RORC: variants seen among roughly 807,000 people sequenced by gnomAD.
RORC encodes nuclear receptor ROR-gamma.
Under a neutral mutation model 64.5 loss-of-function variants are expected in RORC, and 13 were observed. The ratio of observed to expected loss-of-function variants is 0.20; its 90% CI spans 0.13 to 0.32. The LOEUF (loss-of-function observed/expected upper bound fraction) is 0.32, where lower values mean the gene tolerates loss of function less well. Among genes scored for constraint, RORC ranks in the 10% least tolerant of loss-of-function variants. The pLI is 1.00. For missense variants in RORC, 468 were observed against 669.5 expected (o/e 0.70, Z 3.32); for synonymous variants, 277 against 259.3 (o/e 1.07, Z -0.65).
chr1:151,817,952 G>C (rs962955952), intron 2 of RORC, among the ~76,000 whole-genome samples: 1 of 152,206 alleles, frequency 6.6e-6, no homozygotes, highest in Non-Finnish European at 1.5e-5. Context: ...GCAGAGAGAG[G>C]GTGGCTTTGT....
Position 151,815,325 on chromosome 1 carries a change from C to T in RORC, c.399G>A (p.Val133=), listed in dbSNP as rs1367070891. ...QQRQQQQQEP[V]VKTPPAGAQG... is the part of the protein sequence containing the mutation. ...GGGCCCCTGCTGGAGGGGTCTTGAC[C>T]ACTGGTTCCTGTTGCTGCTGTTGCC... is the stretch of plus-strand genomic sequence containing the variant. Residue 133 remains valine (V), a synonymous_variant, in exon 5 of 11, where the codon GTG becomes GTA. Coordinates refer to ENST00000318247, the MANE Select transcript of RORC (RefSeq NM_005060.4). 7 of 1,602,740 alleles carry T rather than the reference C, an allele frequency of 4.4e-6. No homozygotes were observed. Among genetic ancestry groups the T allele is most frequent in the African/African-American group, 1.3e-5 (1 of 74,464 alleles).
At chr1:151,817,955 G>A (rs1558167093) in intron 2 of RORC, among the ~76,000 whole-genome samples, 1 of 152,240 alleles carries the variant, frequency 6.6e-6, no homozygotes, top group African/African-American at 2.4e-5. Flanking sequence ...GAGAGAGGGT[G>A]GCTTTGTGTA....
intron 2 of RORC, among the ~76,000 whole-genome samples, chr1:151,825,319 C>A (rs978731321): frequency 1.3e-5 from 2 of 152,122 alleles, no homozygotes; most frequent in African/African-American, 4.8e-5. Flanking sequence ...CAGGCATGTG[C>A]CCGGGTGCAC....
intron 2 of RORC, among the ~76,000 whole-genome samples, chr1:151,823,390 C>T (rs12036145): frequency 0.46 from 69,884 of 152,056 alleles, 16,409 homozygotes; most frequent in Non-Finnish European, 0.51. Context: ...GGCTACCCTC[C>T]GTCTGGCTGG....
chr1:151,827,013 G>A (rs976326151), intron 2 of RORC, among the ~76,000 whole-genome samples: 4 of 152,220 alleles, frequency 2.6e-5, no homozygotes, highest in African/African-American at 9.7e-5. Context: ...AGCTACTCAG[G>A]GGGCTGAGGC....
At chr1:151,820,127 C>G (rs1198461044) in intron 2 of RORC, among the ~76,000 whole-genome samples, 2 of 152,130 alleles carry the variant, frequency 1.3e-5, no homozygotes, top group Non-Finnish European at 2.9e-5. Flanking sequence ...CCCTCTAGTC[C>G]TGCTCCCCCC....
Position 151,813,623 on chromosome 1 carries a change from G to A in RORC, c.934-3C>T, listed in dbSNP as rs763439487. On this transcript the variant is annotated splice_region_variant and splice_polypyrimidine_tract_variant and intron_variant, in intron 6 of 10. Transcript: ENST00000318247. ...CGTTCCCACATCTCCCACATGGACTGCAGGGAGGGAGGAGGGTCCCGCTGT... is the reference window on the plus strand; with the variant it reads ...CGTTCCCACATCTCCCACATGGACTACAGGGAGGGAGGAGGGTCCCGCTGT... 6.2e-7 allele frequency: 1 copy of A among 1,614,156 alleles called. No individual in the cohort carries two copies. Among genetic ancestry groups the A allele is most frequent in the South Asian group, 1.1e-5 (1 of 91,064 alleles).
chr1:151,817,306 C>A, intron 2 of RORC, 26 bp from the exon 3 acceptor site: 1 of 1,575,754 alleles, frequency 6.3e-7, no homozygotes, highest in Non-Finnish European at 8.7e-7. Context: ...AGAAGTAGGT[C>A]AGCCCAGGAG....
At chr1:151,816,137 G>A (rs763542594) in intron 4 of RORC, among the ~76,000 whole-genome samples, 1 of 152,210 alleles carries the variant, frequency 6.6e-6, no homozygotes, top group Non-Finnish European at 1.5e-5. Flanking sequence ...TGGTGGAGGT[G>A]TGCAGGGAGA....
At position 151,814,652 on chromosome 1, in the gene RORC, G is replaced by A. The variant is rs1286576517; in HGVS notation, c.855C>T (p.Cys285=). 9 of 1,612,836 alleles carry A rather than the reference G, an allele frequency of 5.6e-6. No homozygotes were observed. The highest frequency in any genetic ancestry group is 3.3e-4 in the Middle Eastern group (2 of 6,046). Residue 285 remains cysteine (C), a synonymous_variant, in exon 6 of 11, where the codon TGC becomes TGT. Transcript: ENST00000318247. The part of the protein sequence containing the change: ...QSVCKSYRET[C]QLRLEDLLRQ... ...GCAGCAGGTCCTCCAGCCGCAGCTG[G>A]CATGTCTCCCTGTAGGACTTGCAGA...
chr1:151,810,092 C>T (rs113295863), intron 10 of RORC, among the ~76,000 whole-genome samples: 195 of 152,240 alleles, frequency 1.3e-3, no homozygotes, highest in African/African-American at 4.5e-3. Context: ...ATTTTGCCTC[C>T]TTATTTTTCT....
At chr1:151,824,214 T>C (rs1652103472) in intron 2 of RORC, among the ~76,000 whole-genome samples, 1 of 152,082 alleles carries the variant, frequency 6.6e-6, no homozygotes, top group African/African-American at 2.4e-5. Context: ...TACCTGTAAA[T>C]GTCCAAGTGA....
chr1:151,829,546 G>A (rs563513868), intron 1 of RORC, 88 bp from the exon 2 acceptor site: 14 of 1,220,316 alleles, frequency 1.1e-5, no homozygotes, highest in Admixed American at 3.0e-5. Context: ...TCCCACTGCC[G>A]CACTCCTTCC....
intron 2 of RORC, among the ~76,000 whole-genome samples, chr1:151,818,286 ATG>A (rs1405076402): frequency 6.6e-6 from 1 of 152,092 alleles, no homozygotes; most frequent in Middle Eastern, 3.2e-3. Flanking sequence ...CAAGAAAAGT[ATG>A]TGTCATTTGT....
Position 151,811,278 on chromosome 1 carries a change from G to C in RORC, c.1395+47C>G, listed in dbSNP as rs139375758. ...GGCCCTCGCAAACTCTGATGTTACA[G>C]AGCTAGCGATGGGCCTGGCCTCTTC... is the stretch of plus-strand genomic sequence containing the variant. On this transcript the variant is annotated intron_variant, in intron 10 of 10. Coordinates refer to ENST00000318247, the MANE Select transcript of RORC (RefSeq NM_005060.4). 2.0e-4 allele frequency: 255 copies of C among 1,267,156 alleles called. No individual in the cohort carries two copies. The African/African-American group carries it at 3.3e-3, about 17-fold the overall frequency. 78.5% of individuals were successfully genotyped at this position (1,267,156 alleles called of 1,614,324 possible).
chr1:151,807,217 T>G lies in RORC; in HGVS notation c.*255A>C. 2.6e-6 allele frequency: 1 copy of G among 388,792 alleles called. No individual in the cohort carries two copies. Among genetic ancestry groups the G allele is most frequent in the East Asian group, 4.0e-5 (1 of 24,862 alleles). 24.1% of individuals were successfully genotyped at this position (388,792 alleles called of 1,614,324 possible). ...CCCCATGCCTTCCAGAAGCTGGGTG[T>G]GAAGGAATATGGGAAATGAGACAGG... On this transcript the variant is annotated 3_prime_UTR_variant, in exon 11 of 11. Coordinates refer to ENST00000318247, the MANE Select transcript of RORC (RefSeq NM_005060.4). This position sits in a 1 kb window ranked among gnomAD's most constrained non-coding sequence, Gnocchi z 5.0.
intron 2 of RORC, among the ~76,000 whole-genome samples, chr1:151,822,965 C>G (rs749619687): frequency 2.0e-5 from 3 of 152,200 alleles, no homozygotes; most frequent in Non-Finnish European, 2.9e-5. Context: ...TTTGAGTCAG[C>G]AGCACAGCGG....
intron 2 of RORC, among the ~76,000 whole-genome samples, chr1:151,821,162 A>G (rs1187302301): frequency 6.6e-6 from 1 of 152,172 alleles, no homozygotes. Flanking sequence ...TGCTTTGAGT[A>G]CTTCCAGAGC....
At chr1:151,831,495 C>G (rs1419076005) in intron 1 of RORC, 4 of 289,024 alleles carry the variant, frequency 1.4e-5, no homozygotes, top group Non-Finnish European at 2.1e-5. Context: ...TCCCGCTTCT[C>G]CCTTTCTTTC....
Sources: gnomAD v4.1 joint callset for allele counts (sites outside exome capture counted in the v4.1 genomes callset) on GRCh38, gnomAD v4.1.1 for gene constraint, Gnocchi (gnomAD v3.1) non-coding constraint, MANE v1.5 for transcripts, NCBI Gene and HGNC (gene_info 2026-07-23, HGNC 2026-07-21) for gene names.